Variants in MCM8 observed in about 807,000 individuals in gnomAD.
MCM8 encodes DNA helicase MCM8.
Under a neutral mutation model 98.9 loss-of-function variants are expected in MCM8, and 85 were observed. The observed-to-expected ratio is 0.86, with a 90% CI of 0.72 to 1.03. The LOEUF (loss-of-function observed/expected upper bound fraction) is 1.03, where lower values mean the gene tolerates loss of function less well. Among genes scored for constraint, MCM8 ranks in the 50% least tolerant of loss-of-function variants. MCM8 has a pLI of 0.00. For missense variants in MCM8, 951 were observed against 997.8 expected, an observed-to-expected ratio of 0.95 and a Z score of 0.63; for synonymous variants, 352 against 338.6, an observed-to-expected ratio of 1.04 and a Z score of -0.44.
Position 5,973,142 on chromosome 20 carries a change from C to T in MCM8, c.1341C>T (p.Asp447=), listed in dbSNP as rs749595170. ...DDKNRIPIRG[D]PHILVVGDPG... The stretch of plus-strand genomic sequence containing the variant: ...AAAACAGAATTCCAATTCGGGGAGA[C>T]CCCCACATCCTTGTTGTTGGAGATC... The change falls in exon 12 of 19, where the codon GAC becomes GAT. Residue 447 remains aspartate (D), a synonymous_variant. Transcript: ENST00000610722. 3.7e-6 allele frequency: 6 copies of T among 1,614,086 alleles called. No homozygotes were observed. The highest frequency in any genetic ancestry group is 5.1e-6 in the Non-Finnish European group (6 of 1,180,042).
chr20:5,982,785 G>A (rs570804170), intron 13 of MCM8, among the ~76,000 whole-genome samples, 185 bp from the exon 14 acceptor site: 1 of 152,268 alleles, frequency 6.6e-6, no homozygotes, highest in South Asian at 2.1e-4. Flanking sequence ...ACAAAACTTA[G>A]TTAAATAAGA....
In MCM8 at chr20:5,997,239, C is replaced by T. The variant is rs1322746742; in HGVS notation, c.*2848C>T. ...TGCTCTTTTTGCTCAGGCTGGAGTA[C>T]AGTGGCGCGATCTTGGTTCACCGCA... On this transcript the variant is annotated 3_prime_UTR_variant, in exon 19 of 19. Transcript: ENST00000610722. The T allele has an allele frequency of 7.1e-6, 1 of 141,064 alleles. No homozygotes were observed. Among genetic ancestry groups the T allele is most frequent in the Non-Finnish European group, 1.5e-5 (1 of 67,248 alleles). The allele number at this position is 141,064 out of a possible 1,614,324, so 8.7% of individuals were successfully genotyped here.
intron 9 of MCM8, 75 bp from the exon 10 acceptor site, chr20:5,967,751 CTTTG>C (rs2089307035): frequency 1.4e-6 from 2 of 1,385,314 alleles, no homozygotes; most frequent in Admixed American, 4.5e-5. Context: ...CTCCCTATGA[CTTTG>C]TTTTATATTC....
intron 12 of MCM8, among the ~76,000 whole-genome samples, chr20:5,975,828 A>T (rs2089500181): frequency 6.6e-6 from 1 of 150,958 alleles, no homozygotes; most frequent in African/African-American, 2.4e-5. Context: ...TTCTTGGCAG[A>T]TAGTTGTTCT....
intron 13 of MCM8, among the ~76,000 whole-genome samples, chr20:5,979,269 A>G (rs2089581244): frequency 6.7e-6 from 1 of 149,398 alleles, no homozygotes; most frequent in African/African-American, 2.5e-5. Flanking sequence ...CATCTCCACA[A>G]CCTCTTACCT....
chr20:5,955,360 A>G (rs1039498478), intron 5 of MCM8, 109 bp downstream of exon 5: 51 of 1,034,110 alleles, frequency 4.9e-5, no homozygotes, highest in Non-Finnish European at 6.6e-5. Context: ...TGTACTTTCT[A>G]TAAGAGATAC....
At chr20:5,984,727 T>C in intron 14 of MCM8, 54 bp from the exon 15 acceptor site, 1 of 1,432,902 alleles carries the variant, frequency 7.0e-7, no homozygotes, top group South Asian at 1.2e-5. Context: ...GACAGTTTTC[T>C]AGTTTTTCCT....
chr20:5,973,831 T>G (rs1333673345), intron 12 of MCM8, among the ~76,000 whole-genome samples: 1 of 152,102 alleles, frequency 6.6e-6, no homozygotes, highest in Admixed American at 6.5e-5. Flanking sequence ...ATTTTTGTAT[T>G]TTTAGTAGAG....
Position 5,993,521 on chromosome 20 carries a change from C to G in MCM8, c.2256C>G (p.Tyr752Ter), listed in dbSNP as rs139469777. The G allele has an allele frequency of 1.3e-6, 2 of 1,572,610 alleles. No homozygotes were observed. The highest frequency in any genetic ancestry group is 3.5e-5 in the Admixed American group (2 of 57,590). The change falls in exon 18 of 19, where the codon TAC becomes TAG. Residue 752 changes from tyrosine (Y) to a stop codon, truncating the protein, a stop_gained. Coordinates refer to ENST00000610722, the MANE Select transcript of MCM8 (RefSeq NM_032485.6). LOFTEE classifies it high-confidence loss of function. ...TCTTTTTAAGCATGCTAGGAACTTA[C>G]TCTGATGAATTTGGGAACCTAGATT... ...EIMKYSMLGT[Y>*]SDEFGNLDFE...
intron 3 of MCM8, 120 bp downstream of exon 3, chr20:5,952,648 C>T (rs1255662626): frequency 1.3e-6 from 1 of 794,616 alleles, no homozygotes; most frequent in East Asian, 2.6e-5. Flanking sequence ...AATCTTAGTT[C>T]ACCCAAACAA....
chr20:5,979,827 A>G (rs765885306), intron 13 of MCM8, among the ~76,000 whole-genome samples: 1 of 152,172 alleles, frequency 6.6e-6, no homozygotes. Flanking sequence ...ACTCTTGCTC[A>G]TAACCCTCCA....
At chr20:5,987,138 T>G in intron 16 of MCM8, 144 bp from the exon 17 acceptor site, 1 of 712,988 alleles carries the variant, frequency 1.4e-6, no homozygotes, top group Non-Finnish European at 2.3e-6. Context: ...AGAGAATTAC[T>G]TCCATATTTT....
chr20:5,961,330 A>G (rs1428341088), intron 7 of MCM8, among the ~76,000 whole-genome samples: 2 of 152,176 alleles, frequency 1.3e-5, no homozygotes, highest in Non-Finnish European at 2.9e-5. Flanking sequence ...ACCCAGAGTC[A>G]TCGTTATCAC....
In MCM8 at chr20:5,957,215, A is replaced by C; in HGVS notation, c.576A>C (p.Pro192=). 3 of 1,612,912 alleles carry C rather than the reference A, an allele frequency of 1.9e-6. No homozygotes were observed. Among genetic ancestry groups the C allele is most frequent in the Non-Finnish European group, 2.5e-6 (3 of 1,179,296 alleles). Reference sequence around the variant, plus strand: ...ATGGAGAAACAATGGTAAATGTGCCACATATTCATGCAAGGTGAGGAATTT... The same window carrying C: ...ATGGAGAAACAATGGTAAATGTGCCCCATATTCATGCAAGGTGAGGAATTT... ...SNDGETMVNV[P]HIHARVYNYE... Residue 192 remains proline (P), a synonymous_variant, in exon 6 of 19, where the codon CCA becomes CCC. Transcript: ENST00000610722.
Position 5,967,534 on chromosome 20 carries a change from C to A in MCM8, c.974C>A (p.Pro325Gln). 6.2e-7 allele frequency: 1 copy of A among 1,613,788 alleles called. No individual in the cohort carries two copies. Among genetic ancestry groups the A allele is most frequent in the Non-Finnish European group, 8.5e-7 (1 of 1,179,830 alleles). ...LVHDLVDSCV[P>Q]GDTVTITGIV... ...CATGATCTTGTGGATAGCTGTGTCC[C>A]GGGAGACACAGTGACTATTACTGGA... is the stretch of plus-strand genomic sequence containing the variant. The change falls in exon 9 of 19, where the codon CCG becomes CAG. Residue 325 changes from proline (P) to glutamine (Q), a missense_variant. By Grantham distance (76) the Pro-to-Gln change is moderately conservative. Transcript: ENST00000610722.
intron 12 of MCM8, among the ~76,000 whole-genome samples, chr20:5,976,279 C>A (rs1469736494): frequency 6.6e-6 from 1 of 152,032 alleles, no homozygotes; most frequent in African/African-American, 2.4e-5. Context: ...AATTAATTAG[C>A]CAGTCATGGT....
chr20:5,995,900 G>C lies in MCM8; in HGVS notation c.*1509G>C, dbSNP rs2089950619. 6.6e-6 allele frequency: 1 copy of C among 152,202 alleles called. No homozygotes were observed. The highest frequency in any genetic ancestry group is 2.1e-4 in the South Asian group (1 of 4,832). 9.4% of individuals were successfully genotyped at this position (152,202 alleles called of 1,614,324 possible). On this transcript the variant is annotated 3_prime_UTR_variant, in exon 19 of 19. Transcript: ENST00000610722. ...TAAAAAGAACTGGCAGTGTATATCAGATGTTTAACTATAGGACCAGAACTA... is the reference window on the plus strand; with the variant it reads ...TAAAAAGAACTGGCAGTGTATATCACATGTTTAACTATAGGACCAGAACTA...
chr20:5,967,052 C>T (rs934279128), intron 8 of MCM8, among the ~76,000 whole-genome samples: 1 of 152,232 alleles, frequency 6.6e-6, no homozygotes, highest in African/African-American at 2.4e-5. Context: ...CTGCTAAGAA[C>T]GTTGGGTCCC....
intron 7 of MCM8, among the ~76,000 whole-genome samples, chr20:5,962,281 T>C (rs1424104222): frequency 6.6e-6 from 1 of 151,348 alleles, no homozygotes; most frequent in Non-Finnish European, 1.5e-5. Context: ...CATCACTGTG[T>C]CACATTCTGT....
Sources: allele counts gnomAD v4.1 joint callset (sites outside exome capture counted in the v4.1 genomes callset), GRCh38; gene constraint gnomAD v4.1.1; transcripts MANE v1.5; gene names NCBI Gene and HGNC (gene_info 2026-07-23, HGNC 2026-07-21).